PPM1B: variants seen among roughly 807,000 people sequenced by gnomAD.
The protein encoded by PPM1B is protein phosphatase, Mg2+/Mn2+ dependent 1B, also known as protein phosphatase 1B.
PPM1B carries 22 observed loss-of-function variants against 43.0 expected under a neutral mutation model. That is an observed-to-expected ratio of 0.51 (90% CI 0.37 to 0.73). The LOEUF (loss-of-function observed/expected upper bound fraction) is 0.73, where lower values mean the gene tolerates loss of function less well. Among genes scored for constraint, PPM1B ranks in the 30% least tolerant of loss-of-function variants. PPM1B has a pLI of 0.00. For missense variants in PPM1B, 632 were observed against 584.2 expected, an observed-to-expected ratio of 1.08 and a Z score of -0.84; for synonymous variants, 217 against 197.9, an observed-to-expected ratio of 1.10 and a Z score of -0.81.
At chr2:44,233,207 G>A (rs1670518185), downstream of PPM1B, 13 of 920,706 alleles carry the variant, frequency 1.4e-5, no homozygotes, top group Middle Eastern at 5.5e-4. Context: ...GTGTAATTTG[G>A]TATTTTTAAT....
intron 1 of PPM1B, among the ~76,000 whole-genome samples, chr2:44,195,333 A>G (rs1303061864): frequency 6.6e-6 from 1 of 151,862 alleles, no homozygotes; most frequent in Non-Finnish European, 1.5e-5. Flanking sequence ...CCTCCCAAGT[A>G]GCTGGTGCTG....
rs972475268 is a variant in PPM1B at position 44,230,547 on chromosome 2, A to C, written c.1269A>C (p.Val423=). 2 of 1,614,078 alleles carry C rather than the reference A, an allele frequency of 1.2e-6. No individual in the cohort carries two copies. The highest frequency in any genetic ancestry group is 2.7e-5 in the African/African-American group (2 of 74,944). The change falls in exon 6 of 6, where the codon GTA becomes GTC. Residue 423 remains valine, a synonymous_variant. Coordinates refer to ENST00000282412, the MANE Select transcript of PPM1B (RefSeq NM_002706.6). ...EMLTSYRLAK[V]EGEESPAEPA... is the part of the protein sequence containing the mutation. ...TGACTAGTTACAGGCTAGCTAAAGTAGAGGGAGAAGAAAGCCCTGCTGAAC... is the reference window on the plus strand; with the variant it reads ...TGACTAGTTACAGGCTAGCTAAAGTCGAGGGAGAAGAAAGCCCTGCTGAAC...
At chr2:44,178,746 A>G (rs1193298301) in intron 1 of PPM1B, among the ~76,000 whole-genome samples, 1 of 152,152 alleles carries the variant, frequency 6.6e-6, no homozygotes, top group Non-Finnish European at 1.5e-5. Flanking sequence ...CTGGGATTAC[A>G]GGCATGAGCC....
chr2:44,238,382 G>C (rs1459773211), downstream of PPM1B, among the ~76,000 whole-genome samples: 2 of 151,964 alleles, frequency 1.3e-5, no homozygotes, highest in African/African-American at 2.4e-5. Flanking sequence ...ATAGCACTTT[G>C]GTTCTACTGA....
intron 1 of PPM1B, among the ~76,000 whole-genome samples, chr2:44,193,230 T>C (rs1181234523): frequency 6.6e-6 from 1 of 152,218 alleles, no homozygotes; most frequent in East Asian, 1.9e-4. Flanking sequence ...CCAATACCTG[T>C]TATCTTTTCC....
At chr2:44,198,037 A>C (rs1051625937) in intron 1 of PPM1B, among the ~76,000 whole-genome samples, 2 of 152,164 alleles carry the variant, frequency 1.3e-5, no homozygotes, top group Non-Finnish European at 2.9e-5. Context: ...TGGGATTGAC[A>C]GATTGTGCTG....
intron 1 of PPM1B, among the ~76,000 whole-genome samples, chr2:44,177,243 CA>C (rs1318406437): frequency 6.6e-6 from 1 of 151,964 alleles, no homozygotes; most frequent in Non-Finnish European, 1.5e-5. Flanking sequence ...TAAAAATAAC[CA>C]AAAACAACCT....
At chr2:44,185,596 A>G (rs1668081727) in intron 1 of PPM1B, among the ~76,000 whole-genome samples, 1 of 152,208 alleles carries the variant, frequency 6.6e-6, no homozygotes, top group African/African-American at 2.4e-5. Flanking sequence ...TAGGACAAGA[A>G]AATCTAAATT....
chr2:44,233,345 A>T (rs1209682705), downstream of PPM1B: 1 of 983,258 alleles, frequency 1.0e-6, no homozygotes, highest in Non-Finnish European at 1.2e-6. Context: ...TTTTCATTTT[A>T]TAACATTGGG....
At chr2:44,237,495 A>G (rs1231027537), downstream of PPM1B, among the ~76,000 whole-genome samples, 1 of 152,198 alleles carries the variant, frequency 6.6e-6, no homozygotes, top group Non-Finnish European at 1.5e-5. Context: ...ACTGGCAGAT[A>G]TGCTCTTCTA....
intron 3 of PPM1B, among the ~76,000 whole-genome samples, chr2:44,210,339 C>G (rs115188526): frequency 3.2e-3 from 485 of 151,784 alleles, no homozygotes; most frequent in African/African-American, 0.011. Context: ...ACCTCAGCCT[C>G]TCCCAAGTAG....
chr2:44,205,063 C>T (rs960820698), intron 2 of PPM1B, among the ~76,000 whole-genome samples: 3 of 152,022 alleles, frequency 2.0e-5, no homozygotes, highest in Non-Finnish European at 4.4e-5. Flanking sequence ...CAACTAATTT[C>T]GGGTTGCTTA....
chr2:44,203,491 T>A (rs559054527), intron 2 of PPM1B, among the ~76,000 whole-genome samples: 1 of 152,054 alleles, frequency 6.6e-6, no homozygotes, highest in Non-Finnish European at 1.5e-5. Flanking sequence ...AGGTATATAC[T>A]TACTATTGGA....
At chr2:44,218,161 T>A in intron 4 of PPM1B, 83 bp downstream of exon 4, 2 of 998,058 alleles carry the variant, frequency 2.0e-6, no homozygotes, top group Non-Finnish European at 3.2e-6. Flanking sequence ...AAATCAGAAG[T>A]ACATCAATTA....
At chr2:44,169,817 T>C (rs1315431531) in intron 1 of PPM1B, among the ~76,000 whole-genome samples, 3 of 152,216 alleles carry the variant, frequency 2.0e-5, no homozygotes, top group Admixed American at 6.5e-5. Context: ...TCTCTTTTCT[T>C]CGTACCCCGG....
chr2:44,236,543 C>T (rs1219911746), downstream of PPM1B, among the ~76,000 whole-genome samples: 3 of 151,206 alleles, frequency 2.0e-5, 1 homozygote, highest in Non-Finnish European at 4.4e-5. Context: ...TAATATTAGT[C>T]GGGGAAAAAT....
chr2:44,225,146 T>TGA (rs1420634174), intron 5 of PPM1B, among the ~76,000 whole-genome samples: 1 of 152,172 alleles, frequency 6.6e-6, no homozygotes, highest in Admixed American at 6.5e-5. Flanking sequence ...AGGGTACCTG[T>TGA]GAGGATTCAG....
At chr2:44,232,500 A>G (rs1670497059), downstream of PPM1B, 4 of 1,483,734 alleles carry the variant, frequency 2.7e-6, no homozygotes, top group East Asian at 2.4e-5. Context: ...TCATTTGTTC[A>G]TATTTGTGTT....
rs909632450 is a variant in PPM1B, at chr2:44,230,125, G to A, written c.1135-288G>A. ...AGTAAGTCAGTTTTAGGAAATGCTTGTGTTGCTGTTGAATTATAAAAGCTG... is the reference window on the plus strand; with the variant it reads ...AGTAAGTCAGTTTTAGGAAATGCTTATGTTGCTGTTGAATTATAAAAGCTG... On this transcript the variant is annotated intron_variant, in intron 5 of 5. Transcript: ENST00000282412. 6.8e-6 allele frequency: 10 copies of A among 1,465,218 alleles called. No individual in the cohort carries two copies. The African/African-American group carries it at 1.0e-4, about 15-fold the overall frequency. The allele number at this position is 1,465,218 out of a possible 1,614,324, so 90.8% of individuals were successfully genotyped here.
Sources: gnomAD v4.1 joint callset for allele counts (sites outside exome capture counted in the v4.1 genomes callset) on GRCh38, gnomAD v4.1.1 for gene constraint, MANE v1.5 for transcripts, NCBI Gene and HGNC (gene_info 2026-07-23, HGNC 2026-07-21) for gene names.